OSBPL1A: variants seen among roughly 807,000 people sequenced by gnomAD.
OSBPL1A encodes the protein oxysterol binding protein like 1A, also known as oxysterol-binding protein-related protein 1.
Under a neutral mutation model 137.1 loss-of-function variants are expected in OSBPL1A, and 80 were observed. The observed-to-expected ratio is 0.58, with a 90% confidence interval of 0.49 to 0.70. OSBPL1A has a LOEUF of 0.70. Among genes scored for constraint, OSBPL1A ranks in the 30% least tolerant of loss-of-function variants. The probability of loss-of-function intolerance (pLI) is 0.00; values close to 1 mark genes in which losing one functional copy is unlikely to be tolerated. For missense variants in OSBPL1A, 970 were observed against 1,129.4 expected, an observed-to-expected ratio of 0.86 and a Z score of 2.02; for synonymous variants, 365 against 389.7, an observed-to-expected ratio of 0.94 and a Z score of 0.75.
intron 17 of OSBPL1A, among the ~76,000 whole-genome samples, chr18:24,218,721 T>C (rs1439694419): frequency 3.3e-5 from 5 of 152,058 alleles, no homozygotes; most frequent in African/African-American, 9.6e-5. Flanking sequence ...GCTGGGATTA[T>C]AGGCGTGAGC....
intron 1 of OSBPL1A, among the ~76,000 whole-genome samples, chr18:24,391,729 T>C (rs550065572): frequency 6.2e-4 from 94 of 152,078 alleles, no homozygotes; most frequent in African/African-American, 2.2e-3. Flanking sequence ...AACTCTTTTT[T>C]AAAAAACAAA....
At chr18:24,378,179 C>T (rs1906333950) in intron 1 of OSBPL1A, among the ~76,000 whole-genome samples, 1 of 152,066 alleles carries the variant, frequency 6.6e-6, no homozygotes, top group Admixed American at 6.6e-5. Context: ...TTACAAATAG[C>T]AATTCCCAGA....
intron 15 of OSBPL1A, among the ~76,000 whole-genome samples, chr18:24,252,518 GA>G (rs35557349): frequency 0.82 from 123,567 of 149,874 alleles, 52,724 homozygotes; most frequent in East Asian, 0.94. Context: ...GCCTTCCCAG[GA>G]AAAAAAAAAA....
chr18:24,214,793 C>CA (rs1159966743), intron 17 of OSBPL1A, among the ~76,000 whole-genome samples: 1 of 152,104 alleles, frequency 6.6e-6, no homozygotes, highest in Non-Finnish European at 1.5e-5. Flanking sequence ...CAAGAGAAGA[C>CA]AAAAAACGAA....
At position 24,393,157 on chromosome 18, in the gene OSBPL1A, C is replaced by T. The variant is rs183075590; in HGVS notation, c.-3+4498G>A. On this transcript the variant is annotated intron_variant, in intron 1 of 27. Transcript: ENST00000319481. ...CTAGCAATCAGTAATTTCTCTGATG[C>T]AATCATATACCTACATGTATGTACA... is the stretch of plus-strand genomic sequence containing the variant. Among the ~76,000 whole-genome samples the T allele has an allele frequency of 1.3e-3, 192 of 152,274 alleles. 1 individual carries two copies. Among genetic ancestry groups the T allele is most frequent in the African/African-American group, 4.5e-3 (186 of 41,558 alleles).
At chr18:24,247,281 T>A (rs950562087) in intron 15 of OSBPL1A, among the ~76,000 whole-genome samples, 1 of 152,170 alleles carries the variant, frequency 6.6e-6, no homozygotes, top group African/African-American at 2.4e-5. Flanking sequence ...CAAACACTGA[T>A]GAGAGATCAA....
chr18:24,287,772 A>AAAAATAAATTAAAATAAAAT (rs372733907), intron 14 of OSBPL1A, among the ~76,000 whole-genome samples: 50 of 136,174 alleles, frequency 3.7e-4, no homozygotes, highest in South Asian at 2.4e-3. Flanking sequence ...ACTCTGTCTC[A>AAAAATAAATTAAAATAAAAT]AAAATAAAAT....
chr18:24,376,010 C>A (rs983816919), intron 2 of OSBPL1A, among the ~76,000 whole-genome samples: 1 of 152,144 alleles, frequency 6.6e-6, no homozygotes, highest in African/African-American at 2.4e-5. Flanking sequence ...CAGACCTTCG[C>A]AGTGAGTGTT....
chr18:24,239,925 CTTTTTTTTTT>C (rs10699940), intron 15 of OSBPL1A, among the ~76,000 whole-genome samples: 1 of 125,624 alleles, frequency 8.0e-6, no homozygotes, highest in Admixed American at 8.9e-5. Flanking sequence ...TCATTTTTCT[CTTTTTTTTTT>C]TTTTTTTTGA....
chr18:24,188,378 CA>C (rs1196605957), intron 18 of OSBPL1A, among the ~76,000 whole-genome samples: 1 of 152,172 alleles, frequency 6.6e-6, no homozygotes, highest in East Asian at 1.9e-4. Flanking sequence ...GGCTTGAAGC[CA>C]ATGACAAAGA....
Position 24,366,898 on chromosome 18 carries a change from T to C in OSBPL1A, c.276A>G (p.Gly92=), listed in dbSNP as rs1457465482. ...DTPLHRAAFT[G]RKELVMLLLE... is the part of the protein sequence containing the mutation. The stretch of plus-strand genomic sequence containing the variant: ...AACATAGAATGATTTTCACCTTTCG[T>C]CCTGTAAAGGCAGCTCGATGAAGCG... Residue 92 remains glycine (G), a synonymous_variant, in exon 4 of 28, where the codon GGA becomes GGG. Transcript: ENST00000319481. 5 of 1,611,522 alleles carry C rather than the reference T, an allele frequency of 3.1e-6. No homozygotes were observed. Among genetic ancestry groups the C allele is most frequent in the South Asian group, 1.1e-5 (1 of 90,542 alleles).
At chr18:24,167,223 ACCTG>A in intron 25 of OSBPL1A, 102 bp downstream of exon 25, 1 of 1,035,290 alleles carries the variant, frequency 9.7e-7, no homozygotes, top group African/African-American at 1.6e-5. Flanking sequence ...CAGGATGCCA[ACCTG>A]CCTGTCTCCA....
rs1007093804 is a variant in OSBPL1A, at chr18:24,349,957, G to A, written c.283-8299C>T. Among the ~76,000 whole-genome samples the A allele has an allele frequency of 5.3e-5, 8 of 152,252 alleles. No individual in the cohort carries two copies. In the South Asian group the frequency reaches 1.2e-3, roughly 24 times the overall value. On this transcript the variant is annotated intron_variant, in intron 4 of 27. Transcript: ENST00000319481. ...CTCTAAATTTATGGTAATTTGTTAT[G>A]CAGCAATAGAAACCTAATTCGCAGG...
intron 2 of OSBPL1A, among the ~76,000 whole-genome samples, chr18:24,376,806 C>T (rs1033349689): frequency 3.1e-4 from 47 of 152,376 alleles, no homozygotes; most frequent in Non-Finnish European, 3.4e-4. Context: ...GTACACCCTC[C>T]GCAGCCGCTG....
intron 4 of OSBPL1A, among the ~76,000 whole-genome samples, chr18:24,345,778 T>A (rs1352689888): frequency 6.6e-6 from 1 of 152,200 alleles, no homozygotes; most frequent in African/African-American, 2.4e-5. Context: ...CCTCACTCAC[T>A]GTCTAAAGTA....
chr18:24,194,731 A>G (rs1361068829), intron 18 of OSBPL1A, among the ~76,000 whole-genome samples: 1 of 152,196 alleles, frequency 6.6e-6, no homozygotes, highest in South Asian at 2.1e-4. Context: ...CGCTCAATAC[A>G]CCTACCTCTA....
At chr18:24,369,900 C>T (rs1323858030) in intron 2 of OSBPL1A, among the ~76,000 whole-genome samples, 1 of 152,158 alleles carries the variant, frequency 6.6e-6, no homozygotes, top group African/African-American at 2.4e-5. Flanking sequence ...CCTCACTGAA[C>T]AGAAGTCGTG....
chr18:24,242,701 C>A (rs1392982855), intron 15 of OSBPL1A, among the ~76,000 whole-genome samples: 2 of 151,980 alleles, frequency 1.3e-5, no homozygotes, highest in Non-Finnish European at 2.9e-5. Context: ...TAGTGTTTAT[C>A]AATACAGCAG....
intron 17 of OSBPL1A, 123 bp downstream of exon 17, chr18:24,224,919 G>T: frequency 8.1e-7 from 1 of 1,236,068 alleles, no homozygotes; most frequent in Non-Finnish European, 1.1e-6. Context: ...TTTCTTTGAG[G>T]TGATATAGCA....
Sources: gnomAD v4.1 joint callset for allele counts (sites outside exome capture counted in the v4.1 genomes callset) on GRCh38, gnomAD v4.1.1 for gene constraint, MANE v1.5 for transcripts, NCBI Gene and HGNC (gene_info 2026-07-23, HGNC 2026-07-21) for gene names.